Variants in NLGN1 observed in about 807,000 individuals in gnomAD.
NLGN1 encodes neuroligin-1.
In NLGN1, 12 loss-of-function variants were observed where a neutral mutation model predicts 65.5. The ratio of observed to expected loss-of-function variants is 0.18; its 90% confidence interval spans 0.12 to 0.30. The LOEUF (loss-of-function observed/expected upper bound fraction) is 0.30. Ranked by LOEUF, NLGN1 falls within the 10% of genes least tolerant of loss-of-function variation. The probability of loss-of-function intolerance (pLI) is 1.00; values close to 1 mark genes in which losing one functional copy is unlikely to be tolerated. For missense variants in NLGN1, 750 were observed against 1,007.1 expected (o/e 0.74, Z 3.46); for synonymous variants, 350 against 359.5 (o/e 0.97, Z 0.30).
At chr3:173,661,519 G>A (rs1409682269) in intron 3 of NLGN1, among the ~76,000 whole-genome samples, 4 of 151,974 alleles carry the variant, frequency 2.6e-5, no homozygotes, top group Non-Finnish European at 4.4e-5. Flanking sequence ...AGTGGTAAGC[G>A]AGATTATAGA....
chr3:173,838,261 T>C lies in NLGN1; in HGVS notation c.646+30429T>C, dbSNP rs900065922. 2.0e-5 allele frequency among the ~76,000 whole-genome samples: 3 copies of C among 152,124 alleles called. No individual in the cohort carries two copies. The East Asian group carries it at 5.8e-4, about 29-fold the overall frequency. ...ATAATCTACTGTATAAAAAGAACAT[T>C]TTATCCTTTTTTTAACATCAAGTTT... On this transcript the variant is annotated intron_variant, in intron 4 of 6. Coordinates refer to ENST00000457714, the Ensembl canonical transcript of NLGN1.
intron 2 of NLGN1, among the ~76,000 whole-genome samples, chr3:173,558,749 C>T (rs1159876153): frequency 2.6e-5 from 4 of 152,004 alleles, no homozygotes; most frequent in Admixed American, 2.6e-4. Flanking sequence ...TTACCTGGGC[C>T]ATTTGTGGGT....
chr3:173,890,612 T>C (rs772140097), intron 4 of NLGN1, among the ~76,000 whole-genome samples: 1 of 152,168 alleles, frequency 6.6e-6, no homozygotes, highest in Non-Finnish European at 1.5e-5. Flanking sequence ...AAAATTGTTA[T>C]TGCACTCTGA....
intron 4 of NLGN1, among the ~76,000 whole-genome samples, chr3:174,254,306 A>ATTTTTTTTTTTTTTTTTTTT (rs371427726): frequency 3.5e-5 from 4 of 113,756 alleles, no homozygotes; most frequent in African/African-American, 7.1e-5. Flanking sequence ...GTCCTTTTTA[A>ATTTTTTTTTTTTTTTTTTTT]TTTTTTTTTT....
chr3:173,742,504 A>G (rs1362854472), intron 3 of NLGN1, among the ~76,000 whole-genome samples: 1 of 152,160 alleles, frequency 6.6e-6, no homozygotes, highest in African/African-American at 2.4e-5. Context: ...GGTAGCTTGT[A>G]TATTCCCATG....
chr3:174,018,327 C>T (rs1020793265), intron 4 of NLGN1, among the ~76,000 whole-genome samples: 9 of 152,014 alleles, frequency 5.9e-5, no homozygotes, highest in South Asian at 2.1e-4. Flanking sequence ...ACATCCTCAG[C>T]TTACGAAGAT....
intron 2 of NLGN1, among the ~76,000 whole-genome samples, chr3:173,451,050 CT>C (rs1423075140): frequency 6.6e-6 from 1 of 152,182 alleles, no homozygotes; most frequent in Non-Finnish European, 1.5e-5. Context: ...CTGAAGCCTT[CT>C]TCTCTCAACT....
intron 4 of NLGN1, among the ~76,000 whole-genome samples, chr3:173,879,638 G>GTGT (rs556302793): frequency 7.0e-6 from 1 of 141,976 alleles, no homozygotes; most frequent in East Asian, 2.0e-4. Context: ...TTTTCTGTGT[G>GTGT]TTTTTTTTTT....
chr3:173,845,658 G>A (rs879056782), intron 4 of NLGN1, among the ~76,000 whole-genome samples: 10 of 143,152 alleles, frequency 7.0e-5, no homozygotes, highest in East Asian at 2.1e-4. Context: ...ATAAATAGAC[G>A]AATTATTCCA....
chr3:174,262,512 C>A (rs1340183705), intron 4 of NLGN1, among the ~76,000 whole-genome samples: 3 of 127,736 alleles, frequency 2.3e-5, no homozygotes, highest in Admixed American at 8.1e-5. Context: ...GTTTGTATTT[C>A]TGTGGGATCG....
At chr3:174,231,216 A>C (rs1195398267) in intron 4 of NLGN1, among the ~76,000 whole-genome samples, 1 of 152,234 alleles carries the variant, frequency 6.6e-6, no homozygotes, top group Non-Finnish European at 1.5e-5. Context: ...AATTAAATTT[A>C]AGAAGTTAAG....
chr3:173,487,161 A>G (rs1337441141), intron 2 of NLGN1, among the ~76,000 whole-genome samples: 6 of 151,914 alleles, frequency 3.9e-5, no homozygotes, highest in Non-Finnish European at 8.8e-5. Context: ...GCTTATGACT[A>G]CTCCTCTAAG....
At chr3:173,584,086 T>A (rs1302931216) in intron 2 of NLGN1, among the ~76,000 whole-genome samples, 10 of 143,090 alleles carry the variant, frequency 7.0e-5, no homozygotes, top group African/African-American at 1.9e-4. Flanking sequence ...AAAAAAAAAA[T>A]AGAATCCAGA....
At chr3:173,729,279 C>CT (rs1772384438) in intron 3 of NLGN1, among the ~76,000 whole-genome samples, 1 of 152,004 alleles carries the variant, frequency 6.6e-6, no homozygotes, top group Admixed American at 6.6e-5. Flanking sequence ...AAACAAAACA[C>CT]TTTTTGTTGA....
chr3:174,170,135 A>G (rs943627503), intron 4 of NLGN1, among the ~76,000 whole-genome samples: 1 of 152,056 alleles, frequency 6.6e-6, no homozygotes, highest in Admixed American at 6.6e-5. Flanking sequence ...TTCTTGAATT[A>G]AAGCCCACAG....
chr3:174,273,343 A>G (rs1223834537), intron 4 of NLGN1, among the ~76,000 whole-genome samples: 1 of 151,518 alleles, frequency 6.6e-6, no homozygotes, highest in Admixed American at 6.6e-5. Flanking sequence ...GAGTTTTTCT[A>G]TCTAATGTAC....
At chr3:173,612,256 T>C (rs1752418297) in intron 3 of NLGN1, among the ~76,000 whole-genome samples, 1 of 152,276 alleles carries the variant, frequency 6.6e-6, no homozygotes. Flanking sequence ...TTTCTAATCA[T>C]AAATCTTCAC....
intron 4 of NLGN1, among the ~76,000 whole-genome samples, chr3:174,088,596 T>C (rs979214628): frequency 6.6e-6 from 1 of 151,446 alleles, no homozygotes; most frequent in Non-Finnish European, 1.5e-5. Flanking sequence ...CTACTAAAAA[T>C]ACAAAAATTA....
chr3:174,189,394 A>G (rs1731975182), intron 4 of NLGN1, among the ~76,000 whole-genome samples: 1 of 152,012 alleles, frequency 6.6e-6, no homozygotes, highest in African/African-American at 2.4e-5. Context: ...ATTTCATTTC[A>G]TTAATAATGA....
Sources: allele counts gnomAD v4.1 joint callset (sites outside exome capture counted in the v4.1 genomes callset), GRCh38; gene constraint gnomAD v4.1.1; transcripts MANE v1.5; gene names NCBI Gene and HGNC (gene_info 2026-07-23, HGNC 2026-07-21).